Variants in CDK5RAP2 observed in about 807,000 individuals in gnomAD.
CDK5RAP2 encodes the protein CDK5 regulatory subunit-associated protein 2.
A neutral mutation model predicts 232.9 loss-of-function variants in CDK5RAP2; 147 were observed. That is an observed-to-expected ratio of 0.63 (90% confidence interval 0.55 to 0.72). The LOEUF is 0.72. Among genes scored for constraint, CDK5RAP2 ranks in the 30% least tolerant of loss-of-function variants. The pLI is 0.00. For synonymous variants in CDK5RAP2, 833 were observed against 833.7 expected (o/e 1.00, Z 0.01); for missense variants, 2,195 against 2,231.5 (o/e 0.98, Z 0.33).
chr9:120,571,934 T>C, intron 2 of CDK5RAP2, 40 bp downstream of exon 2: 3 of 1,521,548 alleles, frequency 2.0e-6, no homozygotes, highest in Non-Finnish European at 2.7e-6. Flanking sequence ...CTACTTTCCT[T>C]GTTCTTTACT....
At chr9:120,484,716 T>C (rs1184315937) in intron 14 of CDK5RAP2, among the ~76,000 whole-genome samples, 1 of 151,854 alleles carries the variant, frequency 6.6e-6, no homozygotes, top group Non-Finnish European at 1.5e-5. Flanking sequence ...AGAGCAAGAC[T>C]CTGTCTCAAA....
intron 24 of CDK5RAP2, among the ~76,000 whole-genome samples, chr9:120,438,646 A>T (rs1450456205): frequency 6.6e-6 from 1 of 152,160 alleles, no homozygotes; most frequent in Admixed American, 6.5e-5. Context: ...CCTCCTTCTC[A>T]GGTGATTTTG....
At chr9:120,517,000 G>A (rs539118846) in intron 12 of CDK5RAP2, among the ~76,000 whole-genome samples, 2 of 152,180 alleles carry the variant, frequency 1.3e-5, no homozygotes, top group East Asian at 1.9e-4. Flanking sequence ...AGTAAATCAT[G>A]TGAAATCTAT....
intron 3 of CDK5RAP2, among the ~76,000 whole-genome samples, chr9:120,556,110 G>A (rs1039623724): frequency 6.6e-6 from 1 of 152,074 alleles, no homozygotes; most frequent in South Asian, 2.1e-4. Flanking sequence ...TTCTGATTGT[G>A]GTGATCATTA....
At chr9:120,553,102 T>A (rs1431070570) in intron 3 of CDK5RAP2, among the ~76,000 whole-genome samples, 2 of 152,210 alleles carry the variant, frequency 1.3e-5, no homozygotes, top group South Asian at 4.1e-4. Flanking sequence ...CCAAGCTAGA[T>A]AATTTATATA....
chr9:120,438,670 A>T (rs1156567379), intron 24 of CDK5RAP2, among the ~76,000 whole-genome samples: 1 of 152,216 alleles, frequency 6.6e-6, no homozygotes, highest in African/African-American at 2.4e-5. Flanking sequence ...ATTAGATAAG[A>T]AAAGTGCCTA....
At chr9:120,560,942 A>ATG (rs576768902) in intron 3 of CDK5RAP2, among the ~76,000 whole-genome samples, 2 of 151,990 alleles carry the variant, frequency 1.3e-5, no homozygotes, top group South Asian at 4.2e-4. Flanking sequence ...AAATAATGGT[A>ATG]TGTGTATACA....
intron 9 of CDK5RAP2, 138 bp from the exon 10 acceptor site, chr9:120,528,063 A>T: frequency 1.6e-6 from 2 of 1,215,288 alleles, no homozygotes; most frequent in Non-Finnish European, 2.4e-6. Flanking sequence ...TTCCAAGTGG[A>T]GCTGAACATA....
chr9:120,560,121 A>G (rs1380822261), intron 3 of CDK5RAP2, among the ~76,000 whole-genome samples: 2 of 152,208 alleles, frequency 1.3e-5, no homozygotes, highest in Non-Finnish European at 2.9e-5. Flanking sequence ...AAGAGCTAAG[A>G]GCAAGAGCTC....
chr9:120,573,194 C>A (rs527322057), intron 1 of CDK5RAP2, among the ~76,000 whole-genome samples: 1 of 152,154 alleles, frequency 6.6e-6, no homozygotes, highest in East Asian at 1.9e-4. Flanking sequence ...CCTTCAAGAT[C>A]AAAAACAGGC....
intron 3 of CDK5RAP2, among the ~76,000 whole-genome samples, chr9:120,564,965 A>T (rs546534292): frequency 9.2e-5 from 14 of 152,352 alleles, no homozygotes; most frequent in Admixed American, 9.1e-4. Context: ...CCCATAGAAG[A>T]GCAACTGATT....
intron 11 of CDK5RAP2, among the ~76,000 whole-genome samples, chr9:120,521,986 T>G (rs2040688042): frequency 6.6e-6 from 1 of 152,194 alleles, no homozygotes; most frequent in African/African-American, 2.4e-5. Flanking sequence ...GGGTATGTCT[T>G]TATTAGCAGC....
At chr9:120,520,611 C>G (rs1051158903) in intron 11 of CDK5RAP2, among the ~76,000 whole-genome samples, 1 of 151,822 alleles carries the variant, frequency 6.6e-6, no homozygotes, top group African/African-American at 2.4e-5. Context: ...CCACTGCACT[C>G]CAGTCTGGAC....
At chr9:120,400,999 A>G (rs1227934252) in intron 34 of CDK5RAP2, 114 bp from the exon 35 acceptor site, 2 of 1,146,036 alleles carry the variant, frequency 1.7e-6, no homozygotes, top group Non-Finnish European at 2.5e-6. Context: ...TCACACGCTG[A>G]GCGAAAGCCT....
At chr9:120,532,563 A>T (rs1453557031) in intron 7 of CDK5RAP2, 1 of 152,284 alleles carries the variant, frequency 6.6e-6, no homozygotes, top group Non-Finnish European at 1.5e-5. Flanking sequence ...TCTGCTAACC[A>T]TCTGACCTTG....
At chr9:120,530,208 A>G in intron 7 of CDK5RAP2, 68 bp from the exon 8 acceptor site, 2 of 1,226,946 alleles carry the variant, frequency 1.6e-6, no homozygotes, top group Non-Finnish European at 2.4e-6. Flanking sequence ...CTGGAGGAGG[A>G]AGGAAATGGG....
intron 1 of CDK5RAP2, among the ~76,000 whole-genome samples, chr9:120,574,725 A>C (rs556365118): frequency 3.9e-4 from 59 of 152,224 alleles, no homozygotes; most frequent in South Asian, 3.1e-3. Flanking sequence ...TCACCACAGG[A>C]TTAAAGTCCA....
rs972485922 is a variant in CDK5RAP2 at position 120,567,599 on chromosome 9, C to T, written c.195+722G>A. On this transcript the variant is annotated intron_variant, in intron 3 of 37. Coordinates refer to ENST00000349780, the MANE Select transcript of CDK5RAP2 (RefSeq NM_018249.6). Reference sequence around the variant, plus strand: ...TATTTTCCTGTTACTTGACAACAAACCCCCTCTGCTAATAAATGAAAGACA... The same window carrying T: ...TATTTTCCTGTTACTTGACAACAAATCCCCTCTGCTAATAAATGAAAGACA... Among the ~76,000 whole-genome samples the T allele has an allele frequency of 3.3e-5, 5 of 152,280 alleles. No homozygotes were observed. The South Asian group carries it at 8.3e-4, about 25-fold the overall frequency.
chr9:120,392,724 G>A (rs893402436), intron 36 of CDK5RAP2, among the ~76,000 whole-genome samples: 2 of 152,152 alleles, frequency 1.3e-5, no homozygotes, highest in Non-Finnish European at 2.9e-5. Flanking sequence ...TTTTCTCTAC[G>A]AGTGACACGA....
Sources: allele counts gnomAD v4.1 joint callset (sites outside exome capture counted in the v4.1 genomes callset), GRCh38; gene constraint gnomAD v4.1.1; transcripts MANE v1.5; gene names NCBI Gene and HGNC (gene_info 2026-07-23, HGNC 2026-07-21).